The following PRKAA1 variants were observed in gnomAD, a reference collection of about 807,000 sequenced individuals.
The protein encoded by PRKAA1 is protein kinase AMP-activated catalytic subunit alpha 1.
PRKAA1 carries 23 observed loss-of-function variants against 56.9 expected under a neutral mutation model. That is an observed-to-expected ratio of 0.40 (90% CI 0.29 to 0.57). The LOEUF (loss-of-function observed/expected upper bound fraction) is 0.57, where lower values mean the gene tolerates loss of function less well. Among genes scored for constraint, PRKAA1 ranks in the 20% least tolerant of loss-of-function variants. PRKAA1 has a pLI of 0.39. For missense variants in PRKAA1, 413 were observed against 679.7 expected (o/e 0.61, Z 4.36); for synonymous variants, 226 against 227.0 (o/e 1.00, Z 0.04).
Position 40,775,652 on chromosome 5 carries a change from C to T in PRKAA1, c.270-149G>A, listed in dbSNP as rs1038564111. 2.3e-5 allele frequency: 14 copies of T among 600,524 alleles called. No homozygotes were observed. The African/African-American group carries it at 2.4e-4, about 10-fold the overall frequency. 37.2% of individuals were successfully genotyped at this position (600,524 alleles called of 1,614,324 possible). ...AAAAATTCTCTGCTCTCATGGAGTT[C>T]ATGTTCCAGGAACCAGGAAACAGAC... is the stretch of plus-strand genomic sequence containing the variant. On this transcript the variant is annotated intron_variant, in intron 2 of 8. Coordinates refer to ENST00000397128, the MANE Select transcript of PRKAA1 (RefSeq NM_006251.6).
At chr5:40,767,790 C>G in intron 5 of PRKAA1, 100 bp from the exon 6 acceptor site, 1 of 1,047,498 alleles carries the variant, frequency 9.5e-7, no homozygotes, top group Non-Finnish European at 1.4e-6. Flanking sequence ...AATTCTTAAG[C>G]AGAATATGGT....
At chr5:40,793,684 TCAC>T (rs1401023066) in intron 1 of PRKAA1, among the ~76,000 whole-genome samples, 1 of 152,238 alleles carries the variant, frequency 6.6e-6, no homozygotes, top group Non-Finnish European at 1.5e-5. Flanking sequence ...ATTACCAACA[TCAC>T]CACAATAGTG....
At chr5:40,783,417 A>G (rs369118279) in intron 1 of PRKAA1, among the ~76,000 whole-genome samples, 1 of 152,130 alleles carries the variant, frequency 6.6e-6, no homozygotes, top group South Asian at 2.1e-4. Context: ...TTCCACTGTG[A>G]TCCTTTTTGA....
At chr5:40,791,926 T>C (rs1465506429) in intron 1 of PRKAA1, among the ~76,000 whole-genome samples, 1 of 152,260 alleles carries the variant, frequency 6.6e-6, no homozygotes, top group Non-Finnish European at 1.5e-5. Context: ...TATTTTTACA[T>C]GGGTAGGAAT....
At chr5:40,789,557 A>G (rs902439535) in intron 1 of PRKAA1, among the ~76,000 whole-genome samples, 1 of 152,188 alleles carries the variant, frequency 6.6e-6, no homozygotes, top group African/African-American at 2.4e-5. Context: ...TCTGAGACTC[A>G]CTTATATTTG....
intron 1 of PRKAA1, among the ~76,000 whole-genome samples, chr5:40,785,355 T>C (rs2112075043): frequency 6.6e-6 from 1 of 152,226 alleles, no homozygotes; most frequent in Non-Finnish European, 1.5e-5. Context: ...TTCTCCTACC[T>C]CAGCCTCCCA....
intron 1 of PRKAA1, among the ~76,000 whole-genome samples, chr5:40,787,695 T>C (rs1287214908): frequency 7.3e-6 from 1 of 137,828 alleles, no homozygotes; most frequent in Non-Finnish European, 1.6e-5. Flanking sequence ...GCCTTTGCTT[T>C]TGCAAAAGAT....
At chr5:40,773,658 T>A (rs184490555) in intron 3 of PRKAA1, among the ~76,000 whole-genome samples, 124 of 151,844 alleles carry the variant, frequency 8.2e-4, no homozygotes, top group African/African-American at 2.8e-3. Context: ...CCTAAGCCTA[T>A]AGGGGTAGAA....
Position 40,762,643 on chromosome 5 carries a change from A to G in PRKAA1, c.*135T>C. On this transcript the variant is annotated 3_prime_UTR_variant, in exon 9 of 9. Transcript: ENST00000397128. The stretch of plus-strand genomic sequence containing the variant: ...GCTTTTAACTATAAATCATGTTCCA[A>G]TCCCTGTGCAAATTGCATTCCAAAA... 3.7e-6 allele frequency: 4 copies of G among 1,094,540 alleles called. No homozygotes were observed. Among genetic ancestry groups the G allele is most frequent in the Non-Finnish European group, 5.2e-6 (4 of 775,906 alleles). The allele number at this position is 1,094,540 out of a possible 1,614,324, so 67.8% of individuals were successfully genotyped here.
At chr5:40,792,863 G>A (rs953517015) in intron 1 of PRKAA1, among the ~76,000 whole-genome samples, 16 of 151,754 alleles carry the variant, frequency 1.1e-4, no homozygotes, top group Non-Finnish European at 2.4e-4. Flanking sequence ...AGGAGTTCGA[G>A]ACTAACCTGG....
At chr5:40,782,683 C>A (rs1214773445) in intron 1 of PRKAA1, among the ~76,000 whole-genome samples, 1 of 151,760 alleles carries the variant, frequency 6.6e-6, no homozygotes, top group Non-Finnish European at 1.5e-5. Context: ...TAGGTAGTAG[C>A]AATAATAATG....
intron 3 of PRKAA1, among the ~76,000 whole-genome samples, chr5:40,773,314 TAGG>T (rs1561173548): frequency 6.6e-6 from 1 of 150,736 alleles, no homozygotes; most frequent in Non-Finnish European, 1.5e-5. Flanking sequence ...TATGAAAAAA[TAGG>T]AGAAAACTTG....
At position 40,798,207 on chromosome 5, in the gene PRKAA1, C is replaced by G. The variant is rs2112122832; in HGVS notation, c.-18G>C. 3 of 217,996 alleles carry G rather than the reference C, an allele frequency of 1.4e-5. No homozygotes were observed. The highest frequency in any genetic ancestry group is 2.2e-5 in the Non-Finnish European group (3 of 138,416). The allele number at this position is 217,996 out of a possible 1,614,324, so 13.5% of individuals were successfully genotyped here. On this transcript the variant is annotated 5_prime_UTR_variant, in exon 1 of 9. Coordinates refer to ENST00000397128, the MANE Select transcript of PRKAA1 (RefSeq NM_006251.6). ...CTGCGCATGGCGCTGCGGGAGGGGG[C>G]GGAGGGGGCGGGCAGGGCCGCGCCG...
chr5:40,771,993 T>G, intron 3 of PRKAA1, 130 bp from the exon 4 acceptor site: 1 of 1,154,538 alleles, frequency 8.7e-7, no homozygotes, highest in Non-Finnish European at 1.2e-6. Context: ...TATGAGATAC[T>G]TTTGACATGA....
intron 1 of PRKAA1, among the ~76,000 whole-genome samples, chr5:40,793,823 C>T (rs920422348): frequency 4.6e-5 from 7 of 152,106 alleles, no homozygotes; most frequent in African/African-American, 1.7e-4. Flanking sequence ...TCTCCCAGCC[C>T]AGCACGGTGG....
chr5:40,766,585 A>G (rs1372229208), intron 6 of PRKAA1, among the ~76,000 whole-genome samples: 3 of 152,224 alleles, frequency 2.0e-5, no homozygotes, highest in Admixed American at 1.3e-4. Context: ...AATTCAATGT[A>G]TACTACCAGG....
rs774220592 is a variant in PRKAA1 at position 40,798,087 on chromosome 5, C to T, written c.103G>A (p.Val35Ile). ...GHYILGDTLG[V>I]GTFGKVKVGK... is the part of the protein sequence containing the mutation. ...CCCTTCACTTTGCCGAAGGTGCCGA[C>T]CCCCAGCGTGTCACCCAGAATGTAG... Residue 35 changes from valine to isoleucine, a missense_variant, in exon 1 of 9, where the codon GTC becomes ATC. By Grantham distance (29) the Val-to-Ile change is conservative (BLOSUM62 3). Transcript: ENST00000397128. The T allele has an allele frequency of 1.9e-6, 3 of 1,609,852 alleles. No homozygotes were observed. The highest frequency in any genetic ancestry group is 2.2e-5 in the South Asian group (2 of 90,988).
chr5:40,773,811 T>C (rs1002242083), intron 3 of PRKAA1, among the ~76,000 whole-genome samples: 6 of 152,216 alleles, frequency 3.9e-5, no homozygotes, highest in Non-Finnish European at 7.3e-5. Flanking sequence ...CTCACCCATA[T>C]TGGGGAATAA....
chr5:40,781,794 G>A (rs115533537), intron 1 of PRKAA1, among the ~76,000 whole-genome samples: 1 of 152,078 alleles, frequency 6.6e-6, no homozygotes, highest in African/African-American at 2.4e-5. Flanking sequence ...TAGGAGGATG[G>A]GGGTGTAGTA....
Sources: gnomAD v4.1 joint callset for allele counts (sites outside exome capture counted in the v4.1 genomes callset) on GRCh38, gnomAD v4.1.1 for gene constraint, MANE v1.5 for transcripts, NCBI Gene and HGNC (gene_info 2026-07-23, HGNC 2026-07-21) for gene names.